The following KCNIP3 variants were observed in gnomAD, a reference collection of about 807,000 sequenced individuals.
KCNIP3 encodes the protein calsenilin.
A neutral mutation model predicts 35.0 loss-of-function variants in KCNIP3; 28 were observed. The ratio of observed to expected loss-of-function variants is 0.80; its 90% CI spans 0.59 to 1.10. KCNIP3 has a LOEUF of 1.10. Among genes scored for constraint, KCNIP3 ranks in the 50% least tolerant of loss-of-function variants. The pLI is 0.00. For missense variants in KCNIP3, 295 were observed against 338.4 expected, an observed-to-expected ratio of 0.87 and a Z score of 1.01; for synonymous variants, 134 against 133.8, an observed-to-expected ratio of 1.00 and a Z score of -0.01.
intron 2 of KCNIP3, among the ~76,000 whole-genome samples, chr2:95,318,488 C>T: frequency 6.6e-6 from 1 of 152,222 alleles, no homozygotes; most frequent in Non-Finnish European, 1.5e-5. Context: ...ACCTAAGCAA[C>T]CTGGAGGCCT....
chr2:95,339,456 T>C (rs1679139664), intron 2 of KCNIP3, among the ~76,000 whole-genome samples: 1 of 151,894 alleles, frequency 6.6e-6, no homozygotes, highest in Non-Finnish European at 1.5e-5. Context: ...TGGTGGTGCA[T>C]GCCTGTAATC....
At chr2:95,362,701 G>A (rs1485444047) in intron 2 of KCNIP3, among the ~76,000 whole-genome samples, 1 of 152,026 alleles carries the variant, frequency 6.6e-6, no homozygotes, top group Non-Finnish European at 1.5e-5. Context: ...CGAGCAGTGG[G>A]GACCAGCTGT....
rs183686095 is a variant in KCNIP3 at position 95,376,106 on chromosome 2, C to T, written c.447+898C>T. ...CAGGACCCCTCGACTCTGAGCCACA[C>T]TCTGAGGGCTCTGCACATAGAAGCA... is the stretch of plus-strand genomic sequence containing the variant. On this transcript the variant is annotated intron_variant, in intron 5 of 8. Transcript: ENST00000295225. The surrounding 1 kb of genome is among the most constrained non-coding windows in gnomAD (Gnocchi z 4.2). Among the ~76,000 whole-genome samples the T allele has an allele frequency of 7.2e-5, 11 of 152,374 alleles. No homozygotes were observed. In the East Asian group the frequency reaches 2.1e-3, roughly 29 times the overall value.
intron 5 of KCNIP3, 37 bp downstream of exon 5, chr2:95,375,245 C>T: frequency 6.3e-7 from 1 of 1,590,424 alleles, no homozygotes; most frequent in Non-Finnish European, 8.6e-7. Flanking sequence ...TGTCCTGCCC[C>T]TGTGGTTGCA....
chr2:95,355,110 A>G (rs1573509243), intron 2 of KCNIP3: 1 of 152,242 alleles, frequency 6.6e-6, no homozygotes, highest in African/African-American at 2.4e-5. Flanking sequence ...ACACCGGCAC[A>G]CCTGCCCTGA....
At chr2:95,313,007 C>T (rs1010648150) in intron 2 of KCNIP3, 2 of 152,574 alleles carry the variant, frequency 1.3e-5, no homozygotes, top group East Asian at 3.9e-4. Flanking sequence ...GATGAGGCAT[C>T]CCCCCTCTTT....
At chr2:95,373,657 C>T (rs569185172) in intron 2 of KCNIP3, among the ~76,000 whole-genome samples, 4 of 152,184 alleles carry the variant, frequency 2.6e-5, no homozygotes, top group Non-Finnish European at 4.4e-5. Context: ...CTCCTGACCT[C>T]GTGATCTGCC....
At position 95,376,923 on chromosome 2, in the gene KCNIP3, A is replaced by G. The variant is rs1680214835; in HGVS notation, c.447+1715A>G. 6.6e-6 allele frequency among the ~76,000 whole-genome samples: 1 copy of G among 152,232 alleles called. No individual in the cohort carries two copies. The highest frequency in any genetic ancestry group is 2.1e-4 in the South Asian group (1 of 4,832). On this transcript the variant is annotated intron_variant, in intron 5 of 8. Coordinates refer to ENST00000295225, the MANE Select transcript of KCNIP3 (RefSeq NM_013434.5). The surrounding 1 kb of genome is among the most constrained non-coding windows in gnomAD (Gnocchi z 4.2). Reference sequence around the variant, plus strand: ...CTGTATATTCTTAGAGACAAGATGCATATTAGTTACAGTTTACTGATATGG... The same window carrying G: ...CTGTATATTCTTAGAGACAAGATGCGTATTAGTTACAGTTTACTGATATGG...
intron 2 of KCNIP3, among the ~76,000 whole-genome samples, chr2:95,346,281 C>A (rs888496562): frequency 1.3e-5 from 2 of 151,478 alleles, no homozygotes; most frequent in Non-Finnish European, 3.0e-5. Flanking sequence ...AGCGCCTCCC[C>A]GGGAGAGCGC....
In KCNIP3 at chr2:95,378,285, GCTAATTT is replaced by G. The variant is rs1680253627; in HGVS notation, c.447+3078_447+3084del. 6.6e-6 allele frequency among the ~76,000 whole-genome samples: 1 copy of G among 152,024 alleles called. No individual in the cohort carries two copies. The highest frequency in any genetic ancestry group is 6.5e-5 in the Admixed American group (1 of 15,272). The stretch of plus-strand genomic sequence containing the variant: ...CTGCGGGTGCATGCCACCATGCCCA[GCTAATTT>G]TTTTATTTTAATTGTTGTAGATGCA... On this transcript the variant is annotated intron_variant, in intron 5 of 8. Transcript: ENST00000295225. This position sits in a 1 kb window ranked among gnomAD's most constrained non-coding sequence, Gnocchi z 4.0.
chr2:95,345,972 G>T (rs1230828914), intron 2 of KCNIP3, among the ~76,000 whole-genome samples: 1 of 152,232 alleles, frequency 6.6e-6, no homozygotes, highest in Non-Finnish European at 1.5e-5. Context: ...GGAGCAGGCG[G>T]CGGCGGCTGC....
intron 2 of KCNIP3, 55 bp downstream of exon 2, chr2:95,310,575 G>T: frequency 1.2e-6 from 2 of 1,603,916 alleles, no homozygotes; most frequent in Non-Finnish European, 1.7e-6. Context: ...TCTGTTCTGA[G>T]CACTGTCCTT....
chr2:95,307,454 C>G (rs773552598), intron 1 of KCNIP3, among the ~76,000 whole-genome samples: 3 of 152,244 alleles, frequency 2.0e-5, no homozygotes, highest in Non-Finnish European at 4.4e-5. Flanking sequence ...TGTCCCAAAA[C>G]TTCTCAGGGA....
Position 95,376,252 on chromosome 2 carries a change from C to T in KCNIP3, c.447+1044C>T, listed in dbSNP as rs1343494692. On this transcript the variant is annotated intron_variant, in intron 5 of 8. Coordinates refer to ENST00000295225, the MANE Select transcript of KCNIP3 (RefSeq NM_013434.5). This position sits in a 1 kb window ranked among gnomAD's most constrained non-coding sequence, Gnocchi z 4.2. ...CAAGGTCCTTTCCCTGCCCCTCTCT[C>T]CTGGGGTGCCCTTTAAGAGGCACCT... Among the ~76,000 whole-genome samples the T allele has an allele frequency of 6.6e-6, 1 of 152,220 alleles. No homozygotes were observed. The highest frequency in any genetic ancestry group is 2.4e-5 in the African/African-American group (1 of 41,460).
At chr2:95,370,701 C>G (rs1364246764) in intron 2 of KCNIP3, among the ~76,000 whole-genome samples, 1 of 152,078 alleles carries the variant, frequency 6.6e-6, no homozygotes, top group African/African-American at 2.4e-5. Flanking sequence ...CAGCCTGTGA[C>G]TTGAGTTTCT....
intron 2 of KCNIP3, among the ~76,000 whole-genome samples, chr2:95,359,028 G>C (rs1255273945): frequency 2.6e-5 from 4 of 152,090 alleles, no homozygotes; most frequent in Non-Finnish European, 5.9e-5. Flanking sequence ...TGTTGCAGTG[G>C]CAACTAAATT....
chr2:95,353,733 G>GC (rs1394331759), intron 2 of KCNIP3, among the ~76,000 whole-genome samples: 1 of 152,192 alleles, frequency 6.6e-6, no homozygotes, highest in Non-Finnish European at 1.5e-5. Flanking sequence ...GGCTGATGCA[G>GC]CCCGACCCAG....
intron 2 of KCNIP3, among the ~76,000 whole-genome samples, chr2:95,325,260 G>A (rs917920091): frequency 1.3e-5 from 2 of 152,216 alleles, no homozygotes; most frequent in African/African-American, 4.8e-5. Context: ...TGGGACTGGA[G>A]TGGGGCCTGG....
intron 2 of KCNIP3, among the ~76,000 whole-genome samples, chr2:95,363,847 T>A (rs1679857406): frequency 1.3e-5 from 2 of 152,336 alleles, no homozygotes; most frequent in South Asian, 4.1e-4. Context: ...TAGATGGTTA[T>A]TACTGGTGTA....
Sources: allele counts gnomAD v4.1 joint callset (sites outside exome capture counted in the v4.1 genomes callset), GRCh38; gene constraint gnomAD v4.1.1; non-coding constraint Gnocchi (gnomAD v3.1); transcripts MANE v1.5; gene names NCBI Gene and HGNC (gene_info 2026-07-23, HGNC 2026-07-21).